Variants in EYS observed in about 807,000 individuals in gnomAD.
EYS encodes protein eyes shut homolog.
In EYS, 250 loss-of-function variants were observed where a neutral mutation model predicts 282.1. That is an observed-to-expected ratio of 0.89 (90% CI 0.80 to 0.98). The LOEUF is 0.98. Ranked by LOEUF, EYS falls within the 50% of genes least tolerant of loss-of-function variation. The pLI, the probability that EYS is intolerant of heterozygous loss-of-function variation, is 0.00. For synonymous variants in EYS, 1,355 were observed against 1,282.9 expected (o/e 1.06, Z -1.20); for missense variants, 4,016 against 3,709.0 (o/e 1.08, Z -2.15).
At chr6:64,363,494 A>G (rs1772086401) in intron 29 of EYS, among the ~76,000 whole-genome samples, 2 of 151,890 alleles carry the variant, frequency 1.3e-5, no homozygotes, top group African/African-American at 2.4e-5. Context: ...TGACTTAGAC[A>G]TATTATTTAA....
intron 22 of EYS, among the ~76,000 whole-genome samples, chr6:64,728,528 G>A (rs1432298061): frequency 1.3e-5 from 2 of 151,914 alleles, no homozygotes; most frequent in Non-Finnish European, 2.9e-5. Flanking sequence ...GTAGAGGTGG[G>A]GTTTCACCGC....
At position 63,919,851 on chromosome 6, in the gene EYS, A is replaced by C. The variant is rs1468575597; in HGVS notation, c.7056-55493T>G. ...GTGCTGCAGCAGCAGTTTCATCTTT[A>C]TTTAGCAAGACTGTACAGTCCGACT... On this transcript the variant is annotated intron_variant, in intron 35 of 42. Coordinates refer to ENST00000503581, the MANE Select transcript of EYS (RefSeq NM_001142800.2). 2.0e-5 allele frequency among the ~76,000 whole-genome samples: 3 copies of C among 152,220 alleles called. 1 individual carries two copies. The South Asian group carries it at 6.2e-4, about 31-fold the overall frequency.
chr6:65,048,986 C>T (rs1431383742), intron 13 of EYS, among the ~76,000 whole-genome samples: 1 of 151,652 alleles, frequency 6.6e-6, no homozygotes, highest in Non-Finnish European at 1.5e-5. Context: ...TTTTAGGTGC[C>T]TTGTCACAAA....
chr6:64,491,235 T>C (rs575314661), intron 26 of EYS, among the ~76,000 whole-genome samples: 1 of 151,030 alleles, frequency 6.6e-6, no homozygotes, highest in Admixed American at 6.6e-5. Flanking sequence ...AATATTATGT[T>C]TGCACATAAA....
intron 12 of EYS, among the ~76,000 whole-genome samples, chr6:65,203,997 A>G (rs1193420577): frequency 1.3e-5 from 2 of 152,240 alleles, no homozygotes; most frequent in East Asian, 1.9e-4. Flanking sequence ...TCAAATCAAT[A>G]TGGTCAGAAA....
At chr6:64,306,928 T>A in intron 30 of EYS, 42 bp downstream of exon 30, 2 of 899,400 alleles carry the variant, frequency 2.2e-6, no homozygotes, top group Non-Finnish European at 3.6e-6. Context: ...TTGGTGTGGT[T>A]ATTTGAACAA....
At chr6:65,547,092 A>C (rs2127327564) in intron 2 of EYS, among the ~76,000 whole-genome samples, 1 of 151,784 alleles carries the variant, frequency 6.6e-6, no homozygotes, top group Non-Finnish European at 1.5e-5. Flanking sequence ...TGCCTGTTTC[A>C]AGTCTGACAA....
At chr6:63,929,131 A>C (rs1364729398) in intron 35 of EYS, among the ~76,000 whole-genome samples, 1 of 152,224 alleles carries the variant, frequency 6.6e-6, no homozygotes, top group East Asian at 1.9e-4. Flanking sequence ...ATGTTTACTT[A>C]TCTGTTATTT....
intron 22 of EYS, among the ~76,000 whole-genome samples, chr6:64,730,291 G>A (rs1311237085): frequency 6.6e-6 from 1 of 152,132 alleles, no homozygotes; most frequent in Non-Finnish European, 1.5e-5. Flanking sequence ...GAGACAGGAG[G>A]AAGAAAAGAG....
intron 8 of EYS, among the ~76,000 whole-genome samples, chr6:65,354,743 G>T (rs563242794): frequency 5.9e-5 from 9 of 151,864 alleles, no homozygotes; most frequent in Non-Finnish European, 8.8e-5. Context: ...CTTGAACCAG[G>T]GACGCAGAGA....
chr6:64,477,761 T>C (rs1453814350), intron 26 of EYS, among the ~76,000 whole-genome samples: 4 of 152,118 alleles, frequency 2.6e-5, no homozygotes, highest in African/African-American at 7.2e-5. Flanking sequence ...TACTGAGATA[T>C]TGCTTCAAAA....
In EYS at chr6:64,445,484, G is replaced by T. The variant is rs117296003; in HGVS notation, c.5645-6132C>A. On this transcript the variant is annotated intron_variant, in intron 26 of 42. Transcript: ENST00000503581. ...TATACCTATAATTTTGTATGCTTTTGGTACAAATAACCAGAAATTCTAATT... is the reference window on the plus strand; with the variant it reads ...TATACCTATAATTTTGTATGCTTTTTGTACAAATAACCAGAAATTCTAATT... Among the ~76,000 whole-genome samples, 1,243 of 151,944 alleles carry T rather than the reference G, an allele frequency of 8.2e-3. 19 individuals carry two copies. The highest frequency in any genetic ancestry group is 0.049 in the East Asian group (251 of 5,158).
intron 30 of EYS, among the ~76,000 whole-genome samples, chr6:64,237,776 C>A (rs1766661212): frequency 1.3e-5 from 2 of 152,004 alleles, no homozygotes; most frequent in South Asian, 4.1e-4. Flanking sequence ...TTAATCATTG[C>A]AAATTTTATG....
Position 63,950,502 on chromosome 6 carries a change from C to T in EYS, c.7055+33881G>A, listed in dbSNP as rs996146813. 3.3e-5 allele frequency among the ~76,000 whole-genome samples: 5 copies of T among 152,126 alleles called. 1 individual carries two copies. Among genetic ancestry groups the T allele is most frequent in the Admixed American group, 3.3e-4 (5 of 15,286 alleles). ...TATCTCCCTTCTCTGACTCTCTTTT[C>T]AGACTCAGCCCACCTGCACCCAGGT... is the stretch of plus-strand genomic sequence containing the variant. On this transcript the variant is annotated intron_variant, in intron 35 of 42. Transcript: ENST00000503581.
At chr6:64,561,305 G>A (rs1024766272) in intron 26 of EYS, among the ~76,000 whole-genome samples, 1 of 152,044 alleles carries the variant, frequency 6.6e-6, no homozygotes, top group Non-Finnish European at 1.5e-5. Context: ...ATTCAACATA[G>A]TATTGAAAGT....
chr6:63,970,589 C>T (rs1766519935), intron 35 of EYS, among the ~76,000 whole-genome samples: 1 of 150,788 alleles, frequency 6.6e-6, no homozygotes, highest in African/African-American at 2.4e-5. Flanking sequence ...AAGTCGAGAT[C>T]ACACCGCTGC....
At chr6:65,207,192 A>G (rs1766057564) in intron 12 of EYS, among the ~76,000 whole-genome samples, 1 of 151,834 alleles carries the variant, frequency 6.6e-6, no homozygotes, top group African/African-American at 2.4e-5. Flanking sequence ...TTCAAAATCA[A>G]TGTACAAAAG....
intron 24 of EYS, among the ~76,000 whole-genome samples, chr6:64,594,054 G>C (rs1164163039): frequency 1.3e-5 from 2 of 152,126 alleles, no homozygotes; most frequent in Middle Eastern, 3.4e-3. Flanking sequence ...ATACCTAATA[G>C]GCATCCCTGC....
intron 14 of EYS, among the ~76,000 whole-genome samples, chr6:64,950,818 T>TAC (rs1227506064): frequency 8.8e-6 from 1 of 113,666 alleles, no homozygotes; most frequent in Non-Finnish European, 1.9e-5. Context: ...TATATATATA[T>TAC]ATATATATAT....
Sources: gnomAD v4.1 joint callset for allele counts (sites outside exome capture counted in the v4.1 genomes callset) on GRCh38, gnomAD v4.1.1 for gene constraint, MANE v1.5 for transcripts, NCBI Gene and HGNC (gene_info 2026-07-23, HGNC 2026-07-21) for gene names.